DNAI1: variants seen among roughly 807,000 people sequenced by gnomAD.
The protein encoded by DNAI1 is dynein, axonemal, intermediate polypeptide 1.
Under a neutral mutation model 92.0 loss-of-function variants are expected in DNAI1, and 67 were observed. That is an observed-to-expected ratio of 0.73 (90% CI 0.60 to 0.89). The LOEUF is 0.89. DNAI1 is among the 40% of genes least tolerant of loss of function. DNAI1 has a pLI of 0.00. For missense variants in DNAI1, 839 were observed against 866.6 expected (o/e 0.97, Z 0.40); for synonymous variants, 323 against 319.6 (o/e 1.01, Z -0.11).
intron 1 of DNAI1, among the ~76,000 whole-genome samples, chr9:34,480,742 G>A (rs1235170591): frequency 6.6e-6 from 1 of 151,590 alleles, no homozygotes; most frequent in African/African-American, 2.4e-5. Context: ...TCAGGAGTTT[G>A]AGACCAGCCT....
chr9:34,502,716 C>T (rs921337191), intron 12 of DNAI1, among the ~76,000 whole-genome samples: 7 of 152,098 alleles, frequency 4.6e-5, no homozygotes, highest in South Asian at 4.1e-4. Flanking sequence ...TACCTGAGAA[C>T]GGTCTCTTTG....
At chr9:34,500,419 G>A (rs929079707) in intron 10 of DNAI1, among the ~76,000 whole-genome samples, 3 of 152,148 alleles carry the variant, frequency 2.0e-5, no homozygotes, top group African/African-American at 7.2e-5. Flanking sequence ...CAAGGGCTGC[G>A]AACCTGGGAT....
At chr9:34,492,582 C>T (rs1292193522) in intron 8 of DNAI1, among the ~76,000 whole-genome samples, 5 of 144,004 alleles carry the variant, frequency 3.5e-5, no homozygotes, top group East Asian at 2.1e-4. Context: ...TGCAGTGGCA[C>T]GGTCTTGGCT....
At chr9:34,469,844 T>C (rs780794353) in intron 1 of DNAI1, among the ~76,000 whole-genome samples, 2 of 152,142 alleles carry the variant, frequency 1.3e-5, no homozygotes, top group Non-Finnish European at 2.9e-5. Context: ...CCTCCCAGAG[T>C]GCTGAGATTA....
chr9:34,496,834 T>C (rs192635112), intron 9 of DNAI1, among the ~76,000 whole-genome samples: 1 of 152,192 alleles, frequency 6.6e-6, no homozygotes, highest in African/African-American at 2.4e-5. Flanking sequence ...AGATAGGCCT[T>C]CTCCAAAACA....
At chr9:34,493,102 A>G (rs1193757996) in intron 8 of DNAI1, 92 bp from the exon 9 acceptor site, 8 of 1,575,644 alleles carry the variant, frequency 5.1e-6, no homozygotes, top group East Asian at 2.2e-5. Flanking sequence ...CAGGGTTAAC[A>G]TGACCAATTC....
At chr9:34,461,369 T>A (rs563102625) in intron 1 of DNAI1, among the ~76,000 whole-genome samples, 2 of 152,184 alleles carry the variant, frequency 1.3e-5, no homozygotes, top group Non-Finnish European at 2.9e-5. Context: ...TTTAACAAAT[T>A]TACACACGTA....
intron 1 of DNAI1, among the ~76,000 whole-genome samples, chr9:34,473,740 G>T (rs1017697846): frequency 6.6e-6 from 1 of 151,830 alleles, no homozygotes; most frequent in Non-Finnish European, 1.5e-5. Context: ...TGGTTGGTTG[G>T]TTTGAGACAG....
At chr9:34,513,887 C>CA (rs1247384536) in intron 16 of DNAI1, among the ~76,000 whole-genome samples, 8 of 148,724 alleles carry the variant, frequency 5.4e-5, no homozygotes. Flanking sequence ...CTGGTCAGGG[C>CA]AAAAAACTGA....
At position 34,489,392 on chromosome 9, in the gene DNAI1, A is replaced by G. The variant is rs1387343237; in HGVS notation, c.331A>G (p.Ile111Val). Residue 111 changes from isoleucine to valine, a missense_variant, in exon 5 of 20, where the codon ATC becomes GTC. Physicochemically the swap from Ile to Val is conservative, Grantham distance 29. Coordinates refer to ENST00000242317, the MANE Select transcript of DNAI1 (RefSeq NM_012144.4). ...TCACTACACCCAGGTTGGGAACCTG[A>G]TCCCCAAAGACTCAGATGAAGGACG... Reference protein sequence around the residue: ...AVHYTQVGNLIPKDSDEGRRQ... With the variant: ...AVHYTQVGNLVPKDSDEGRRQ... 1 of 1,614,102 alleles carries G rather than the reference A, an allele frequency of 6.2e-7. No individual in the cohort carries two copies. The highest frequency in any genetic ancestry group is 2.2e-5 in the East Asian group (1 of 44,880).
intron 13 of DNAI1, among the ~76,000 whole-genome samples, chr9:34,510,703 G>A (rs969165611): frequency 6.6e-6 from 1 of 152,106 alleles, no homozygotes; most frequent in African/African-American, 2.4e-5. Context: ...TTTCCATGCG[G>A]TGCTGGCGTC....
intron 1 of DNAI1, among the ~76,000 whole-genome samples, chr9:34,480,827 T>C (rs977022328): frequency 3.3e-4 from 50 of 152,096 alleles, no homozygotes; most frequent in Admixed American, 6.5e-5. Flanking sequence ...ACGCCTGTAA[T>C]CCCAGCTTCT....
chr9:34,510,983 G>A (rs1825055411), intron 13 of DNAI1, among the ~76,000 whole-genome samples: 1 of 152,204 alleles, frequency 6.6e-6, no homozygotes, highest in South Asian at 2.1e-4. Flanking sequence ...AGGCTGGCTG[G>A]GGAGAGGCAA....
At chr9:34,512,087 C>T in intron 13 of DNAI1, 22 bp from the exon 14 acceptor site, 1 of 1,610,744 alleles carries the variant, frequency 6.2e-7, no homozygotes. Context: ...GGTCCCAGAG[C>T]TCACATTTTG....
chr9:34,500,909 C>G (rs1824819526), intron 11 of DNAI1, 70 bp downstream of exon 11: 2 of 1,236,242 alleles, frequency 1.6e-6, no homozygotes, highest in East Asian at 4.6e-5. Context: ...CCAGTACCCC[C>G]TTCTGCACTT....
At chr9:34,479,453 A>ATTATAGTGTGGCTT (rs1179432289) in intron 1 of DNAI1, among the ~76,000 whole-genome samples, 3 of 152,180 alleles carry the variant, frequency 2.0e-5, no homozygotes, top group Non-Finnish European at 4.4e-5. Context: ...TTTTGCATTT[A>ATTATAGTGTGGCTT]TTATAGTGTG....
chr9:34,481,591 G>A (rs1824356370), intron 1 of DNAI1, among the ~76,000 whole-genome samples: 1 of 152,248 alleles, frequency 6.6e-6, no homozygotes, highest in Non-Finnish European at 1.5e-5. Context: ...TCTTAAGGTG[G>A]TGCGTCTGGA....
chr9:34,518,273 C>G (rs1373563099), intron 19 of DNAI1, among the ~76,000 whole-genome samples: 1 of 152,268 alleles, frequency 6.6e-6, no homozygotes, highest in African/African-American at 2.4e-5. Context: ...GAGGCATTTA[C>G]TGCAGTTTGA....
At chr9:34,471,580 C>A (rs1238352070) in intron 1 of DNAI1, among the ~76,000 whole-genome samples, 1 of 152,036 alleles carries the variant, frequency 6.6e-6, no homozygotes, top group Non-Finnish European at 1.5e-5. Flanking sequence ...TCAGCCTGGC[C>A]AACTTAGTGA....
Sources: allele counts gnomAD v4.1 joint callset (sites outside exome capture counted in the v4.1 genomes callset), GRCh38; gene constraint gnomAD v4.1.1; transcripts MANE v1.5; gene names NCBI Gene and HGNC (gene_info 2026-07-23, HGNC 2026-07-21).